HRNR: variants seen among roughly 807,000 people sequenced by gnomAD.
HRNR encodes the protein filaggrin family member 3.
In HRNR, 7 loss-of-function variants were observed where a neutral mutation model predicts 4.8. That is an observed-to-expected ratio of 1.47 (90% CI 0.83 to 2.75). HRNR has a LOEUF of 2.75. HRNR is among the 30% of genes most tolerant of loss of function. The pLI, the probability that HRNR is intolerant of heterozygous loss-of-function variation, is 0.00. For missense variants in HRNR, 2,879 were observed against 3,010.4 expected, an observed-to-expected ratio of 0.96 and a Z score of 1.02; for synonymous variants, 1,023 against 1,242.7, an observed-to-expected ratio of 0.82 and a Z score of 3.72.
chr1:152,222,764 G>C (rs1419821593), intron 2 of HRNR, among the ~76,000 whole-genome samples: 1 of 152,158 alleles, frequency 6.6e-6, no homozygotes. Context: ...ACAGTTTTAA[G>C]GTGGTGGACA....
At position 152,213,046 on chromosome 1, in the gene HRNR, A is replaced by G. The variant is rs780100054; in HGVS notation, c.*30T>C. ...TGACTTTCCTATTTCTTAAATTGCT[A>G]CTTGAGTAAATTGCATTTATGTTTA... On this transcript the variant is annotated 3_prime_UTR_variant, in exon 3 of 3. Coordinates refer to ENST00000368801, the MANE Select transcript of HRNR (RefSeq NM_001009931.3). The G allele has an allele frequency of 6.3e-7, 1 of 1,584,524 alleles. No homozygotes were observed. Among genetic ancestry groups the G allele is most frequent in the South Asian group, 1.2e-5 (1 of 85,998 alleles).
chr1:152,219,091 A>G lies in HRNR; in HGVS notation c.2538T>C (p.Ser846=). The G allele has an allele frequency of 1.9e-6, 3 of 1,613,702 alleles. No homozygotes were observed. Among genetic ancestry groups the G allele is most frequent in the Non-Finnish European group, 2.5e-6 (3 of 1,179,972 alleles). ...CGGAGCTTGATGACTGCCCTGACGTAGATCCATGTCGTCCCTGGCTAGAGA... is the reference window on the plus strand; with the variant it reads ...CGGAGCTTGATGACTGCCCTGACGTGGATCCATGTCGTCCCTGGCTAGAGA... ...GHFSSQGRHG[S]TSGQSSSSGQ... The change falls in exon 3 of 3, where the codon TCT becomes TCC. Residue 846 remains serine, a synonymous_variant. Coordinates refer to ENST00000368801, the MANE Select transcript of HRNR (RefSeq NM_001009931.3).
Position 152,218,690 on chromosome 1 carries a change from G to A in HRNR, c.2939C>T (p.Ser980Phe). The part of the protein sequence containing the change: ...SEQHGSSSGS[S>F]SSYGQHGSGS... ...AGACCCATGCTGACCATAGCTGGAA[G>A]ACGAACCTGAGCTAGATCCATGTTG... is the stretch of plus-strand genomic sequence containing the variant. The change falls in exon 3 of 3, where the codon TCT becomes TTT. Residue 980 changes from serine (S) to phenylalanine (F), a missense_variant. Physicochemically the swap from Ser to Phe is radical, Grantham distance 155. This residue lies in a region of HRNR where 2,646 missense variants were observed against 1,377.7 expected (regional missense o/e 1.92). Coordinates refer to ENST00000368801, the MANE Select transcript of HRNR (RefSeq NM_001009931.3). The A allele has an allele frequency of 5.6e-6, 9 of 1,614,044 alleles. No homozygotes were observed. The Middle Eastern group carries it at 8.2e-4, about 148-fold the overall frequency.
Position 152,219,398 on chromosome 1 carries a change from G to A in HRNR, c.2231C>T (p.Ser744Phe). 1 of 1,614,112 alleles carries A rather than the reference G, an allele frequency of 6.2e-7. No homozygotes were observed. Among genetic ancestry groups the A allele is most frequent in the East Asian group, 2.2e-5 (1 of 44,860 alleles). ...ATAGCTGGAAGACAAACCTGAGCTAGATCCGTGTTGTTCACTCCTAGATGA... is the reference window on the plus strand; with the variant it reads ...ATAGCTGGAAGACAAACCTGAGCTAAATCCGTGTTGTTCACTCCTAGATGA... ...GQSSRSEQHG[S>F]SSGLSSSYGQ... Residue 744 changes from serine (S) to phenylalanine (F), a missense_variant, in exon 3 of 3, where the codon TCT (serine) becomes TTT (phenylalanine). By Grantham distance (155) the Ser-to-Phe change is radical. Around this residue, in one of 8 missense-constraint regions of HRNR, gnomAD observed 2,646 missense variants for 1,377.7 expected, o/e 1.92. Transcript: ENST00000368801.
rs759038902 is a variant in HRNR, at chr1:152,218,915, C to G, written c.2714G>C (p.Ser905Thr). 7.4e-6 allele frequency: 12 copies of G among 1,613,874 alleles called. No individual in the cohort carries two copies. Among genetic ancestry groups the G allele is most frequent in the South Asian group, 1.1e-5 (1 of 91,054 alleles). Residue 905 changes from serine to threonine, a missense_variant, in exon 3 of 3, where the codon AGC (serine) becomes ACC (threonine). Transcript: ENST00000368801. ...QRGSGSGQSP[S>T]YGRHGSGSGR... The stretch of plus-strand genomic sequence containing the variant: ...GGAGCCAGACCCATGTCGGCCATAG[C>G]TGGGAGACTGCCCTGACCCAGACCC...
In HRNR at chr1:152,212,572, G is replaced by C. The variant is rs1051405651; in HGVS notation, c.*504C>G. The C allele has an allele frequency of 1.3e-4, 22 of 164,178 alleles. 1 individual carries two copies. Among genetic ancestry groups the C allele is most frequent in the Non-Finnish European group, 2.4e-4 (18 of 75,258 alleles). 10.2% of individuals were successfully genotyped at this position (164,178 alleles called of 1,614,324 possible). A position where few individuals can be genotyped will look rare whatever the true frequency, so the allele number is the denominator to read the frequency against. On this transcript the variant is annotated 3_prime_UTR_variant, in exon 3 of 3. Transcript: ENST00000368801. Reference sequence around the variant, plus strand: ...TACCGCTGCTGCATCTTTGCTTTCAGAGCCTTCACCTTCTGCCACAATACC... The same window carrying C: ...TACCGCTGCTGCATCTTTGCTTTCACAGCCTTCACCTTCTGCCACAATACC...
Position 152,219,987 on chromosome 1 carries a change from G to A in HRNR, c.1642C>T (p.His548Tyr), listed in dbSNP as rs748195375. 6 of 1,613,024 alleles carry A rather than the reference G, an allele frequency of 3.7e-6. No homozygotes were observed. Among genetic ancestry groups the A allele is most frequent in the Non-Finnish European group, 5.1e-6 (6 of 1,179,802 alleles). ...GAAGACTGCCTGGAACCAGACTCAT[G>A]TCGGCCACGGCTAGGGCTAGGAGAC... ...GQSPSPSRGRHESGSRQSSSY... is the reference protein window; with the variant it reads ...GQSPSPSRGRYESGSRQSSSY... The change falls in exon 3 of 3, where the codon CAT becomes TAT. Residue 548 changes from histidine (H) to tyrosine (Y), a missense_variant. By Grantham distance (83) the His-to-Tyr change is moderately conservative (BLOSUM62 2). Around this residue, in one of 8 missense-constraint regions of HRNR, gnomAD observed 2,646 missense variants for 1,377.7 expected, o/e 1.92. Transcript: ENST00000368801.
At position 152,221,005 on chromosome 1, in the gene HRNR, G is replaced by C. The variant is rs144030283; in HGVS notation, c.624C>G (p.His208Gln). The stretch of plus-strand genomic sequence containing the variant: ...TGGAAGACTGTCCGGAGCCAGAGCC[G>C]TGTTGGCCATAGTTGGGAGACTGCC... ...GSGQSPNYGQ[H>Q]GSGSGQSSSN... is the part of the protein sequence containing the mutation. Residue 208 changes from histidine (H) to glutamine (Q), a missense_variant, in exon 3 of 3, where the codon CAC (histidine) becomes CAG (glutamine). Transcript: ENST00000368801. The C allele has an allele frequency of 7.4e-6, 12 of 1,614,044 alleles. No homozygotes were observed. In the South Asian group the frequency reaches 9.9e-5, roughly 13 times the overall value.
rs754989278 is a variant in HRNR, at chr1:152,218,844, AC to A, written c.2784del (p.Gln928HisfsTer123). On this transcript the variant is annotated frameshift_variant, in exon 3 of 3. Coordinates refer to ENST00000368801, the MANE Select transcript of HRNR (RefSeq NM_001009931.3). LOFTEE classifies it low-confidence loss of function (END_TRUNC). ...SSGRHGSGSG[Q>X]SSGFGHKSSS... ...CTAGACTTGTGACCAAAGCCAGAAG[AC>A]TGGCCTGAGCCAGACCCATGTCGGC... The A allele has an allele frequency of 1.5e-5, 25 of 1,613,572 alleles. No individual in the cohort carries two copies. The highest frequency in any genetic ancestry group is 2.0e-5 in the Non-Finnish European group (24 of 1,179,976).
rs973301851 is a variant in HRNR, at chr1:152,212,901, A to C, written c.*175T>G. The C allele has an allele frequency of 2.4e-6, 2 of 832,216 alleles. No homozygotes were observed. Among genetic ancestry groups the C allele is most frequent in the Non-Finnish European group, 3.6e-6 (2 of 548,960 alleles). The allele number at this position is 832,216 out of a possible 1,614,324, so 51.6% of individuals were successfully genotyped here. A position where few individuals can be genotyped will look rare whatever the true frequency, so the allele number is the denominator to read the frequency against. On this transcript the variant is annotated 3_prime_UTR_variant, in exon 3 of 3. Coordinates refer to ENST00000368801, the MANE Select transcript of HRNR (RefSeq NM_001009931.3). ...AAATGCCTAACAGTCTTTGGAAGGA[A>C]CCCCATAACAAGATATATGCTACAG...
Position 152,213,159 on chromosome 1 carries a change from A to G in HRNR, c.8470T>C (p.Ser2824Pro). 6.2e-7 allele frequency: 1 copy of G among 1,614,072 alleles called. No homozygotes were observed. Among genetic ancestry groups the G allele is most frequent in the Non-Finnish European group, 8.5e-7 (1 of 1,180,040 alleles). ...GGAAAACTGAGAAAATATGAGCCAGAACTTCCCCCATCATGGTTACTTCCT... is the reference window on the plus strand; with the variant it reads ...GGAAAACTGAGAAAATATGAGCCAGGACTTCCCCCATCATGGTTACTTCCT... ...KGGSNHDGGS[S>P]GSYFLSFPSS... The change falls in exon 3 of 3, where the codon TCT becomes CCT. Residue 2824 changes from serine (S) to proline (P), a missense_variant. By Grantham distance (74) the Ser-to-Pro change is moderately conservative (BLOSUM62 -1). Around this residue, in one of 8 missense-constraint regions of HRNR, gnomAD observed 158 missense variants for 107.6 expected, o/e 1.47. Transcript: ENST00000368801.
At position 152,212,731 on chromosome 1, in the gene HRNR, G is replaced by C; in HGVS notation, c.*345C>G. 3.2e-6 allele frequency: 1 copy of C among 310,774 alleles called. No homozygotes were observed. Among genetic ancestry groups the C allele is most frequent in the South Asian group, 4.6e-5 (1 of 21,622 alleles). 19.3% of individuals were successfully genotyped at this position (310,774 alleles called of 1,614,324 possible). A position where few individuals can be genotyped will look rare whatever the true frequency, so the allele number is the denominator to read the frequency against. On this transcript the variant is annotated 3_prime_UTR_variant, in exon 3 of 3. Coordinates refer to ENST00000368801, the MANE Select transcript of HRNR (RefSeq NM_001009931.3). The stretch of plus-strand genomic sequence containing the variant: ...TTCTAAGAAATGTAAGGTTAGCTTT[G>C]GCACCATCTATAAATGAATGATGAG...
chr1:152,212,887 A>C lies in HRNR; in HGVS notation c.*189T>G, dbSNP rs1353775638. The C allele has an allele frequency of 5.5e-6, 4 of 729,938 alleles. No individual in the cohort carries two copies. The highest frequency in any genetic ancestry group is 8.7e-6 in the Non-Finnish European group (4 of 458,174). 45.2% of individuals were successfully genotyped at this position (729,938 alleles called of 1,614,324 possible). On this transcript the variant is annotated 3_prime_UTR_variant, in exon 3 of 3. Coordinates refer to ENST00000368801, the MANE Select transcript of HRNR (RefSeq NM_001009931.3). ...TAACAAAGTAGCACAAATGCCTAAC[A>C]GTCTTTGGAAGGAACCCCATAACAA...
rs764516678 is a variant in HRNR, at chr1:152,218,899, C to G, written c.2730G>C (p.Gly910=). 1 of 1,613,890 alleles carries G rather than the reference C, an allele frequency of 6.2e-7. No individual in the cohort carries two copies. Among genetic ancestry groups the G allele is most frequent in the East Asian group, 2.2e-5 (1 of 44,856 alleles). The part of the protein sequence containing the change: ...SGQSPSYGRH[G]SGSGRSSSSG... ...TGCTGGAAGACCGACCGGAGCCAGA[C>G]CCATGTCGGCCATAGCTGGGAGACT... The change falls in exon 3 of 3, where the codon GGG becomes GGC. Residue 910 remains glycine (G), a synonymous_variant. Transcript: ENST00000368801.
rs202055955 is a variant in HRNR, at chr1:152,220,108, T to C, written c.1521A>G (p.Gln507=). Residue 507 remains glutamine, a synonymous_variant, in exon 3 of 3, where the codon CAA becomes CAG. Transcript: ENST00000368801. ...RSGQSSRGER[Q]GSSAGSSSSY... Reference sequence around the variant, plus strand: ...TGGAAGATGAACCTGCACTAGATCCTTGTCGTTCACCCCTAGATGACTGTC... The same window carrying C: ...TGGAAGATGAACCTGCACTAGATCCCTGTCGTTCACCCCTAGATGACTGTC... 1 of 1,612,256 alleles carries C rather than the reference T, an allele frequency of 6.2e-7. No homozygotes were observed. Among genetic ancestry groups the C allele is most frequent in the South Asian group, 1.1e-5 (1 of 90,954 alleles).
At position 152,218,855 on chromosome 1, in the gene HRNR, C is replaced by G. The variant is rs141472304; in HGVS notation, c.2774G>C (p.Gly925Ala). ...RSSSSGRHGSGSGQSSGFGHK... is the reference protein window; with the variant it reads ...RSSSSGRHGSASGQSSGFGHK... ...ACCAAAGCCAGAAGACTGGCCTGAG[C>G]CAGACCCATGTCGGCCACTGCTGGA... Residue 925 changes from glycine (G) to alanine (A), a missense_variant, in exon 3 of 3, where the codon GGC becomes GCC. Gly to Ala is a moderately conservative substitution (Grantham distance 60, BLOSUM62 0). Coordinates refer to ENST00000368801, the MANE Select transcript of HRNR (RefSeq NM_001009931.3). 9 of 1,613,714 alleles carry G rather than the reference C, an allele frequency of 5.6e-6. No individual in the cohort carries two copies. The highest frequency in any genetic ancestry group is 3.3e-4 in the Middle Eastern group (2 of 6,080).
rs41266114 is a variant in HRNR at position 152,213,292 on chromosome 1, T to C, written c.8337A>G (p.Ser2779=). ...GTTGGCCGTAGCTGGAAGACTGCCCTGAACCAGACCCGTGTCGGCCGTGGC... is the reference window on the plus strand; with the variant it reads ...GTTGGCCGTAGCTGGAAGACTGCCCCGAACCAGACCCGTGTCGGCCGTGGC... The part of the protein sequence containing the change: ...SLSHGRHGSG[S]GQSSSYGQHG... Residue 2779 remains serine, a synonymous_variant, in exon 3 of 3, where the codon TCA becomes TCG. Transcript: ENST00000368801. The C allele has an allele frequency of 1.7e-4, 197 of 1,171,418 alleles. 9 individuals are homozygous for C. The highest frequency in any genetic ancestry group is 3.4e-4 in the Admixed American group (15 of 44,468). 72.6% of individuals were successfully genotyped at this position (1,171,418 alleles called of 1,614,324 possible).
Position 152,219,352 on chromosome 1 carries a change from G to A in HRNR, c.2277C>T (p.Ser759=). The change falls in exon 3 of 3, where the codon TCC becomes TCT. Residue 759 remains serine, a synonymous_variant. Coordinates refer to ENST00000368801, the MANE Select transcript of HRNR (RefSeq NM_001009931.3). ...SSSYGQHGSG[S]HQSSGHGRQG... is the part of the protein sequence containing the mutation. ...GTCGGCCGTGGCCCGAAGATTGATG[G>A]GAGCCCGACCCATGCTGACCATAGC... 6.2e-7 allele frequency: 1 copy of A among 1,613,622 alleles called. No homozygotes were observed. The highest frequency in any genetic ancestry group is 1.7e-4 in the Middle Eastern group (1 of 6,056).
Position 152,218,929 on chromosome 1 carries a change from T to C in HRNR, c.2700A>G (p.Ser900=). ...SPGHGQRGSG[S]GQSPSYGRHG... ...GTCGGCCATAGCTGGGAGACTGCCC[T>C]GACCCAGACCCACGCTGGCCGTGGC... Residue 900 remains serine (S), a synonymous_variant, in exon 3 of 3, where the codon TCA becomes TCG. Coordinates refer to ENST00000368801, the MANE Select transcript of HRNR (RefSeq NM_001009931.3). The C allele has an allele frequency of 6.2e-7, 1 of 1,612,420 alleles. No homozygotes were observed. The highest frequency in any genetic ancestry group is 8.5e-7 in the Non-Finnish European group (1 of 1,179,606).
Sources: gnomAD v4.1 joint callset for allele counts (sites outside exome capture counted in the v4.1 genomes callset) on GRCh38, gnomAD v4.1.1 for gene constraint, gnomAD v4.1.1 regional missense constraint, MANE v1.5 for transcripts, NCBI Gene and HGNC (gene_info 2026-07-23, HGNC 2026-07-21) for gene names.